The following TMEM178B variants were observed in gnomAD, a reference collection of about 807,000 sequenced individuals.
TMEM178B encodes the protein transmembrane protein 178B.
TMEM178B carries 5 observed loss-of-function variants against 31.0 expected under a neutral mutation model. That is an observed-to-expected ratio of 0.16 (90% confidence interval 0.08 to 0.34). TMEM178B has a LOEUF of 0.34. Ranked by LOEUF, TMEM178B falls within the 10% of genes least tolerant of loss-of-function variation. The pLI, the probability that TMEM178B is intolerant of heterozygous loss-of-function variation, is 1.00. For synonymous variants in TMEM178B, 164 were observed against 164.0 expected, an observed-to-expected ratio of 1.00 and a Z score of 0.00; for missense variants, 275 against 400.3, an observed-to-expected ratio of 0.69 and a Z score of 2.67.
At chr7:141,277,887 C>T (rs1330744969) in intron 2 of TMEM178B, among the ~76,000 whole-genome samples, 2 of 152,180 alleles carry the variant, frequency 1.3e-5, no homozygotes, top group Non-Finnish European at 2.9e-5. Flanking sequence ...CCATGCTGAA[C>T]ATTTACACTT....
At chr7:141,433,039 T>C (rs1017625051) in intron 2 of TMEM178B, among the ~76,000 whole-genome samples, 3 of 152,162 alleles carry the variant, frequency 2.0e-5, no homozygotes, top group Non-Finnish European at 4.4e-5. Flanking sequence ...AAACTCAACA[T>C]CCATATGCAC....
At chr7:141,369,384 A>G (rs1275934372) in intron 2 of TMEM178B, among the ~76,000 whole-genome samples, 1 of 151,290 alleles carries the variant, frequency 6.6e-6, no homozygotes, top group Non-Finnish European at 1.5e-5. Context: ...TGTAGAGGAG[A>G]AAGAAAATAA....
chr7:141,257,674 G>A (rs766078254), intron 2 of TMEM178B, among the ~76,000 whole-genome samples: 1 of 152,194 alleles, frequency 6.6e-6, no homozygotes, highest in Non-Finnish European at 1.5e-5. Flanking sequence ...AGAAGATGGA[G>A]CGGGGAGGCA....
Position 141,171,017 on chromosome 7 carries a change from T to C in TMEM178B, c.383-41574T>C, listed in dbSNP as rs1036579565. Among the ~76,000 whole-genome samples the C allele has an allele frequency of 5.5e-5, 8 of 146,152 alleles. No individual in the cohort carries two copies. The highest frequency in any genetic ancestry group is 4.1e-4 in the East Asian group (2 of 4,918). On this transcript the variant is annotated intron_variant, in intron 1 of 3. Coordinates refer to ENST00000565468, the MANE Select transcript of TMEM178B (RefSeq NM_001195278.2). The surrounding 1 kb of genome is among the most constrained non-coding windows in gnomAD (Gnocchi z 4.3). ...GTTCAGACTACACATCACACACACA[T>C]ACACACACACACACACACACACACA... is the stretch of plus-strand genomic sequence containing the variant.
chr7:141,083,060 A>G (rs1370283954), intron 1 of TMEM178B, among the ~76,000 whole-genome samples: 1 of 152,118 alleles, frequency 6.6e-6, no homozygotes. Context: ...AGAATGCTAA[A>G]CACACTTGGG....
chr7:141,476,210 GCA>G lies in TMEM178B; in HGVS notation c.*5428_*5429del, dbSNP rs1802361883. 6.6e-6 allele frequency: 1 copy of G among 152,278 alleles called. No individual in the cohort carries two copies. Among genetic ancestry groups the G allele is most frequent in the East Asian group, 1.9e-4 (1 of 5,182 alleles). 9.4% of individuals were successfully genotyped at this position (152,278 alleles called of 1,614,324 possible). ...ACAGGGCTGGACCTGTCGCACTTAA[GCA>G]CACTTAAAGGATTCTATTCTTCATT... On this transcript the variant is annotated 3_prime_UTR_variant, in exon 4 of 4. Transcript: ENST00000565468.
chr7:141,308,593 T>C (rs997921265), intron 2 of TMEM178B, among the ~76,000 whole-genome samples: 2 of 152,116 alleles, frequency 1.3e-5, no homozygotes, highest in African/African-American at 2.4e-5. Flanking sequence ...AACCCCAATA[T>C]GTAAAACAGA....
At chr7:141,200,757 AACGTACGGAGGC>A (rs1430067041) in intron 1 of TMEM178B, among the ~76,000 whole-genome samples, 10 of 152,140 alleles carry the variant, frequency 6.6e-5, no homozygotes, top group African/African-American at 2.4e-4. Context: ...CCAAAAGAGG[AACGTACGGAGGC>A]AGATCAGGGA....
chr7:141,402,127 T>C (rs1237770011), intron 2 of TMEM178B, among the ~76,000 whole-genome samples: 1 of 152,124 alleles, frequency 6.6e-6, no homozygotes, highest in African/African-American at 2.4e-5. Context: ...AGTCCTGCCC[T>C]CCGGAGGACC....
chr7:141,116,879 G>A (rs931018009), intron 1 of TMEM178B, among the ~76,000 whole-genome samples: 7 of 152,168 alleles, frequency 4.6e-5, no homozygotes, highest in African/African-American at 1.7e-4. Flanking sequence ...GTATTCCATG[G>A]CATATATGTG....
chr7:141,201,347 G>A (rs895914799), intron 1 of TMEM178B, among the ~76,000 whole-genome samples: 3 of 152,158 alleles, frequency 2.0e-5, no homozygotes, highest in Non-Finnish European at 4.4e-5. Context: ...ATTCTCAACC[G>A]CAGACTGAAC....
chr7:141,218,188 G>A (rs1302054082), intron 2 of TMEM178B, among the ~76,000 whole-genome samples: 4 of 152,126 alleles, frequency 2.6e-5, no homozygotes, highest in Middle Eastern at 3.2e-3. Context: ...CTCATCTACA[G>A]CATTGGGGGT....
intron 2 of TMEM178B, among the ~76,000 whole-genome samples, chr7:141,396,522 T>C (rs1800642335): frequency 7.1e-6 from 1 of 140,784 alleles, no homozygotes; most frequent in South Asian, 2.2e-4. Flanking sequence ...TACTGCAGAG[T>C]GGAAAACAGA....
the TMEM178B span, among the ~76,000 whole-genome samples, chr7:141,496,669 C>CAAAAAAA: frequency 2.1e-3 from 70 of 33,254 alleles, 3 homozygotes; most frequent in African/African-American, 7.4e-3. Flanking sequence ...GACTCCGTCT[C>CAAAAAAA]AAAAAAAAAA....
At chr7:141,183,136 A>G (rs1331656142) in intron 1 of TMEM178B, among the ~76,000 whole-genome samples, 1 of 152,222 alleles carries the variant, frequency 6.6e-6, no homozygotes, top group African/African-American at 2.4e-5. Context: ...AATGTTGGCT[A>G]TACATCCTAA....
At chr7:141,181,717 A>G (rs1326301511) in intron 1 of TMEM178B, among the ~76,000 whole-genome samples, 2 of 152,230 alleles carry the variant, frequency 1.3e-5, no homozygotes, top group Admixed American at 6.5e-5. Flanking sequence ...CCACAGCCAC[A>G]TATACTCCTC....
At chr7:141,451,868 G>A (rs1181771) in intron 3 of TMEM178B, among the ~76,000 whole-genome samples, 114,209 of 151,512 alleles carry the variant, frequency 0.75, 43,218 homozygotes, top group South Asian at 0.84. Context: ...CTCTGTTCCC[G>A]CCCTGTCTCG....
intron 2 of TMEM178B, among the ~76,000 whole-genome samples, chr7:141,430,465 G>T (rs1318682958): frequency 6.6e-6 from 1 of 152,170 alleles, no homozygotes; most frequent in Non-Finnish European, 1.5e-5. Flanking sequence ...GCTCTTTGAA[G>T]TAGGTATTGT....
At position 141,376,063 on chromosome 7, in the gene TMEM178B, C is replaced by T. The variant is rs182162322; in HGVS notation, c.497-61545C>T. ...AAGTTTCTATTTTATATTTGTAATG[C>T]CTTCAGCATTTGTCTCCCTTTTGAT... On this transcript the variant is annotated intron_variant, in intron 2 of 3. Transcript: ENST00000565468. Among the ~76,000 whole-genome samples the T allele has an allele frequency of 1.2e-3, 177 of 152,288 alleles. 2 individuals carry two copies. The highest frequency in any genetic ancestry group is 4.1e-3 in the African/African-American group (171 of 41,560).
Sources: allele counts gnomAD v4.1 joint callset (sites outside exome capture counted in the v4.1 genomes callset), GRCh38; gene constraint gnomAD v4.1.1; non-coding constraint Gnocchi (gnomAD v3.1); transcripts MANE v1.5; gene names NCBI Gene and HGNC (gene_info 2026-07-23, HGNC 2026-07-21).